The following CFAP221 variants were observed in gnomAD, a reference collection of about 807,000 sequenced individuals.
CFAP221 encodes cilia and flagella associated protein 221.
CFAP221 carries 97 observed loss-of-function variants against 113.1 expected under a neutral mutation model. The ratio of observed to expected loss-of-function variants is 0.86; its 90% CI spans 0.73 to 1.02. CFAP221 has a LOEUF of 1.02. Ranked by LOEUF, CFAP221 falls within the 50% of genes least tolerant of loss-of-function variation. The probability of loss-of-function intolerance (pLI) is 0.00; values close to 1 mark genes in which losing one functional copy is unlikely to be tolerated. For synonymous variants in CFAP221, 331 were observed against 354.4 expected (o/e 0.93, Z 0.74); for missense variants, 1,025 against 1,013.4 (o/e 1.01, Z -0.16).
At chr2:119,568,319 C>CTTTATT (rs746910034) in intron 6 of CFAP221, among the ~76,000 whole-genome samples, 13 of 150,848 alleles carry the variant, frequency 8.6e-5, no homozygotes, top group South Asian at 2.1e-4. Flanking sequence ...AGTGTTCTTC[C>CTTTATT]TTTATTTTTA....
At position 119,627,764 on chromosome 2, in the gene CFAP221, C is replaced by T. The variant is rs1390243416; in HGVS notation, c.1628C>T (p.Pro543Leu). The stretch of plus-strand genomic sequence containing the variant: ...CCCTTCGCTTTCCCAGACTGCAGCC[C>T]ACCCCAGGACTCCAACGAGTTGGTA... ...VLPFAFPDCS[P>L]PQDSNELAPD... The change falls in exon 16 of 24, where the codon CCA (proline) becomes CTA (leucine). Residue 543 changes from proline (P) to leucine (L), a missense_variant. By Grantham distance (98) the Pro-to-Leu change is moderately conservative. Transcript: ENST00000413369. 1 of 1,613,700 alleles carries T rather than the reference C, an allele frequency of 6.2e-7. No individual in the cohort carries two copies. The highest frequency in any genetic ancestry group is 1.3e-5 in the African/African-American group (1 of 74,936).
intron 6 of CFAP221, chr2:119,572,441 A>G (rs1194046574): frequency 1.7e-6 from 1 of 579,628 alleles, no homozygotes; most frequent in Non-Finnish European, 3.1e-6. Context: ...TTCTTATAAT[A>G]AGTAAATATG....
intron 6 of CFAP221, among the ~76,000 whole-genome samples, chr2:119,566,072 A>G (rs979692155): frequency 6.6e-6 from 1 of 152,178 alleles, no homozygotes; most frequent in African/African-American, 2.4e-5. Context: ...TATGCTGAAA[A>G]GGGATGACCC....
intron 23 of CFAP221, among the ~76,000 whole-genome samples, chr2:119,655,286 CT>C (rs1384334292): frequency 6.6e-6 from 1 of 152,164 alleles, no homozygotes; most frequent in African/African-American, 2.4e-5. Context: ...GAGACTGTGA[CT>C]TTAGTTGCTG....
At chr2:119,586,066 A>G (rs1386479784) in intron 6 of CFAP221, among the ~76,000 whole-genome samples, 1 of 152,150 alleles carries the variant, frequency 6.6e-6, no homozygotes. Flanking sequence ...AGCTAAAAGG[A>G]TAAGAGGCAG....
chr2:119,636,741 C>T (rs1687137088), intron 19 of CFAP221, among the ~76,000 whole-genome samples: 1 of 152,190 alleles, frequency 6.6e-6, no homozygotes, highest in Admixed American at 6.5e-5. Flanking sequence ...CAAATCCTTG[C>T]AGCCGAGGTG....
At chr2:119,641,870 G>A (rs376210350) in intron 21 of CFAP221, among the ~76,000 whole-genome samples, 1 of 152,162 alleles carries the variant, frequency 6.6e-6, no homozygotes, top group East Asian at 1.9e-4. Context: ...TCAGCACACT[G>A]AATAAGAAAA....
At position 119,656,497 on chromosome 2, in the gene CFAP221, A is replaced by C; in HGVS notation, c.*27A>C. 1.3e-6 allele frequency: 2 copies of C among 1,567,026 alleles called. No homozygotes were observed. Among genetic ancestry groups the C allele is most frequent in the Non-Finnish European group, 1.8e-6 (2 of 1,138,586 alleles). ...AGTCACCAGTAGGTCAGTCCCTTCC[A>C]TTTGCTTTCCGTGGGCCACTGTGGC... On this transcript the variant is annotated 3_prime_UTR_variant, in exon 24 of 24. Coordinates refer to ENST00000413369, the MANE Select transcript of CFAP221 (RefSeq NM_001271049.2).
At chr2:119,637,397 G>A (rs1427406224) in intron 19 of CFAP221, among the ~76,000 whole-genome samples, 1 of 152,182 alleles carries the variant, frequency 6.6e-6, no homozygotes, top group Non-Finnish European at 1.5e-5. Context: ...CTAGCTGCAT[G>A]TCACTTAAGT....
intron 6 of CFAP221, among the ~76,000 whole-genome samples, chr2:119,574,335 A>G (rs1445907860): frequency 6.6e-6 from 1 of 152,222 alleles, no homozygotes; most frequent in Non-Finnish European, 1.5e-5. Context: ...ATTACATTCA[A>G]CAGCATGTAC....
chr2:119,548,757 C>T (rs1680217025), intron 2 of CFAP221, among the ~76,000 whole-genome samples: 1 of 152,144 alleles, frequency 6.6e-6, no homozygotes, highest in African/African-American at 2.4e-5. Context: ...CAAAGACAGG[C>T]CATGTGCTCT....
intron 14 of CFAP221, among the ~76,000 whole-genome samples, chr2:119,620,954 G>A (rs1685869469): frequency 6.6e-6 from 1 of 151,702 alleles, no homozygotes; most frequent in Non-Finnish European, 1.5e-5. Flanking sequence ...GCTGGGCATG[G>A]TGGCTCATGC....
chr2:119,591,963 AT>A (rs1683628929), intron 7 of CFAP221, among the ~76,000 whole-genome samples: 1 of 152,238 alleles, frequency 6.6e-6, no homozygotes, highest in Admixed American at 6.5e-5. Context: ...AAATAAAAAT[AT>A]TTCTTTAAAA....
At chr2:119,647,643 A>G (rs1166016913) in intron 22 of CFAP221, among the ~76,000 whole-genome samples, 5 of 152,126 alleles carry the variant, frequency 3.3e-5, no homozygotes, top group Admixed American at 2.6e-4. Flanking sequence ...CAGCTGGCTC[A>G]CCTGGCATTG....
intron 19 of CFAP221, among the ~76,000 whole-genome samples, chr2:119,636,892 CAA>C (rs1687148621): frequency 6.6e-6 from 1 of 152,098 alleles, no homozygotes; most frequent in Non-Finnish European, 1.5e-5. Flanking sequence ...GCCATTTCCA[CAA>C]AGACTGCATT....
rs1194780163 is a variant in CFAP221, at chr2:119,608,523, T to C, written c.1155T>C (p.Asp385=). The part of the protein sequence containing the change: ...HLKWQVHLGK[D]PMSFKLKKEL... ...CCAGGCAGGTGCACCTTGGTAAAGA[T>C]CCTATGTCTTTTAAACTTAAAAAAG... The change falls in exon 12 of 24, where the codon GAT becomes GAC. Residue 385 remains aspartate, a synonymous_variant. Transcript: ENST00000413369. 1 of 1,612,468 alleles carries C rather than the reference T, an allele frequency of 6.2e-7. No individual in the cohort carries two copies. The highest frequency in any genetic ancestry group is 8.5e-7 in the Non-Finnish European group (1 of 1,179,406).
chr2:119,648,927 G>T (rs1235909529), intron 22 of CFAP221, among the ~76,000 whole-genome samples: 2 of 152,216 alleles, frequency 1.3e-5, no homozygotes, highest in African/African-American at 4.8e-5. Flanking sequence ...CACTGTTCAG[G>T]CAAAGCGCCC....
chr2:119,594,227 C>G (rs1683796455), intron 7 of CFAP221, among the ~76,000 whole-genome samples: 1 of 151,790 alleles, frequency 6.6e-6, no homozygotes, highest in African/African-American at 2.4e-5. Context: ...TGAGGTTGTC[C>G]TCTTTTTCAT....
intron 6 of CFAP221, among the ~76,000 whole-genome samples, chr2:119,570,276 T>A (rs1306323685): frequency 1.3e-5 from 2 of 152,206 alleles, no homozygotes; most frequent in African/African-American, 4.8e-5. Context: ...GAGCTAAGTC[T>A]TTTCATTCTC....
Sources: gnomAD v4.1 joint callset for allele counts (sites outside exome capture counted in the v4.1 genomes callset) on GRCh38, gnomAD v4.1.1 for gene constraint, MANE v1.5 for transcripts, NCBI Gene and HGNC (gene_info 2026-07-23, HGNC 2026-07-21) for gene names.